Variants in ITGA1 observed in about 807,000 individuals in gnomAD.
ITGA1 encodes integrin subunit alpha 1.
A neutral mutation model predicts 145.9 loss-of-function variants in ITGA1; 85 were observed. The ratio of observed to expected loss-of-function variants is 0.58; its 90% CI spans 0.49 to 0.70. The LOEUF is 0.70. ITGA1 is among the 30% of genes least tolerant of loss of function. The pLI is 0.00. For missense variants in ITGA1, 1,351 were observed against 1,418.7 expected (o/e 0.95, Z 0.77); for synonymous variants, 520 against 495.3 (o/e 1.05, Z -0.66).
chr5:52,951,998 T>G (rs945085894), intron 28 of ITGA1, among the ~76,000 whole-genome samples: 6 of 152,090 alleles, frequency 3.9e-5, no homozygotes, highest in Non-Finnish European at 8.8e-5. Context: ...GAGACCATCC[T>G]GGCCAACATG....
intron 1 of ITGA1, among the ~76,000 whole-genome samples, chr5:52,833,940 C>A (rs1036687333): frequency 1.3e-5 from 2 of 152,010 alleles, no homozygotes; most frequent in Non-Finnish European, 2.9e-5. Context: ...CAATAAGACA[C>A]CTAATGGAAA....
chr5:52,934,025 T>C (rs749024728), intron 23 of ITGA1, 29 bp downstream of exon 23: 1 of 914,466 alleles, frequency 1.1e-6, no homozygotes, highest in Non-Finnish European at 1.6e-6. Flanking sequence ...AATAGTATTC[T>C]AAAGGAGTTA....
chr5:52,889,419 T>C (rs1338450798), intron 8 of ITGA1, among the ~76,000 whole-genome samples: 1 of 152,204 alleles, frequency 6.6e-6, no homozygotes, highest in African/African-American at 2.4e-5. Flanking sequence ...CATTTAATGA[T>C]ACAAATAAAC....
intron 8 of ITGA1, among the ~76,000 whole-genome samples, chr5:52,888,443 T>G (rs1750090188): frequency 6.6e-6 from 1 of 152,190 alleles, no homozygotes. Context: ...ACTCTCTTTT[T>G]CATTAATTAT....
At chr5:52,802,773 G>A (rs1224669681) in intron 1 of ITGA1, 2 of 151,884 alleles carry the variant, frequency 1.3e-5, no homozygotes, top group Admixed American at 1.3e-4. Flanking sequence ...CATTTTTATT[G>A]GACTATTTTA....
At chr5:52,898,164 C>A in intron 10 of ITGA1, 75 bp from the exon 11 acceptor site, 4 of 977,118 alleles carry the variant, frequency 4.1e-6, no homozygotes, top group Non-Finnish European at 5.7e-6. Flanking sequence ...TACCTATACA[C>A]ATTGTTAATG....
Position 52,953,053 on chromosome 5 carries a change from G to T in ITGA1, c.*602G>T, listed in dbSNP as rs998138163. 2.0e-5 allele frequency: 3 copies of T among 152,204 alleles called. No individual in the cohort carries two copies. Among genetic ancestry groups the T allele is most frequent in the African/African-American group, 7.2e-5 (3 of 41,508 alleles). The allele number at this position is 152,204 out of a possible 1,614,324, so 9.4% of individuals were successfully genotyped here. ...AAAATTTTCCCTCCCTGCCCAAGGT[G>T]ATTGGAAAGTACTGCAATTGAGCTA... On this transcript the variant is annotated 3_prime_UTR_variant, in exon 29 of 29. Coordinates refer to ENST00000282588, the MANE Select transcript of ITGA1 (RefSeq NM_181501.2).
intron 1 of ITGA1, chr5:52,800,788 G>A (rs202063626): frequency 1.2e-6 from 2 of 1,613,600 alleles, no homozygotes; most frequent in Non-Finnish European, 1.7e-6. Context: ...CTGTGACCCA[G>A]CCTGGAGCGC....
intron 13 of ITGA1, among the ~76,000 whole-genome samples, chr5:52,909,811 GT>G (rs1232842836): frequency 6.7e-6 from 1 of 149,926 alleles, no homozygotes; most frequent in Non-Finnish European, 1.5e-5. Flanking sequence ...TTTAGAGAAA[GT>G]TTCCTTTCTG....
chr5:52,915,143 G>A (rs1054549543), intron 14 of ITGA1, among the ~76,000 whole-genome samples: 3 of 152,160 alleles, frequency 2.0e-5, no homozygotes, highest in African/African-American at 7.2e-5. Flanking sequence ...TCTGTGTGAT[G>A]GGATTGGCTA....
At chr5:52,931,435 T>C (rs1234539357) in intron 21 of ITGA1, 2 of 152,154 alleles carry the variant, frequency 1.3e-5, no homozygotes, top group African/African-American at 4.8e-5. Flanking sequence ...CGAGGAAGTA[T>C]GTATATGTGT....
intron 16 of ITGA1, among the ~76,000 whole-genome samples, 167 bp from the exon 17 acceptor site, chr5:52,920,165 A>G (rs1750709407): frequency 6.6e-6 from 1 of 152,224 alleles, no homozygotes; most frequent in African/African-American, 2.4e-5. Context: ...GGTTATCTTC[A>G]TGACTGCTAA....
At chr5:52,884,082 C>T (rs1319845940) in intron 7 of ITGA1, among the ~76,000 whole-genome samples, 2 of 152,088 alleles carry the variant, frequency 1.3e-5, no homozygotes, top group African/African-American at 2.4e-5. Flanking sequence ...ATATGATATT[C>T]GCATACAAAG....
At position 52,813,580 on chromosome 5, in the gene ITGA1, C is replaced by T. The variant is rs13360342; in HGVS notation, c.61+25166C>T. ...TAGAAATCACCTGTGTAAGGCAATG[C>T]AGCTGATGGAATAGCCACCCCCAGA... On this transcript the variant is annotated intron_variant, in intron 1 of 28. Transcript: ENST00000282588. Among the ~76,000 whole-genome samples the T allele has an allele frequency of 6.7e-3, 1,015 of 152,292 alleles. 12 individuals carry two copies. Among genetic ancestry groups the T allele is most frequent in the African/African-American group, 0.023 (966 of 41,554 alleles).
At chr5:52,849,046 A>C (rs560987145) in intron 1 of ITGA1, among the ~76,000 whole-genome samples, 1 of 152,260 alleles carries the variant, frequency 6.6e-6, no homozygotes, top group South Asian at 2.1e-4. Context: ...ATACGTGTGC[A>C]TGTGTCTTTA....
chr5:52,921,223 A>G (rs566061265), intron 17 of ITGA1, among the ~76,000 whole-genome samples: 1 of 152,240 alleles, frequency 6.6e-6, no homozygotes, highest in Non-Finnish European at 1.5e-5. Flanking sequence ...GATTTTAGTA[A>G]CTGACATTAA....
chr5:52,850,452 G>GTTTA (rs1288117368), intron 2 of ITGA1, among the ~76,000 whole-genome samples: 4 of 151,984 alleles, frequency 2.6e-5, no homozygotes, highest in Non-Finnish European at 5.9e-5. Context: ...CTAAACTTTA[G>GTTTA]TTTAATAACT....
At position 52,854,523 on chromosome 5, in the gene ITGA1, C is replaced by A. The variant is rs191880315; in HGVS notation, c.182+5038C>A. Among the ~76,000 whole-genome samples, 913 of 152,194 alleles carry A rather than the reference C, an allele frequency of 6.0e-3. 10 individuals carry two copies. The highest frequency in any genetic ancestry group is 9.2e-3 in the Non-Finnish European group (624 of 68,006). On this transcript the variant is annotated intron_variant, in intron 2 of 28. Coordinates refer to ENST00000282588, the MANE Select transcript of ITGA1 (RefSeq NM_181501.2). ...TTTCATTCTCTAAGATGAAAAAATG[C>A]TTATTCCATTTATTTAAAAAGAAAT...
At chr5:52,811,527 A>G (rs550933026) in intron 1 of ITGA1, among the ~76,000 whole-genome samples, 286 of 152,334 alleles carry the variant, frequency 1.9e-3, no homozygotes, top group South Asian at 4.1e-3. Flanking sequence ...TAAGGAGAGC[A>G]GCCTGCTAGA....
Sources: gnomAD v4.1 joint callset for allele counts (sites outside exome capture counted in the v4.1 genomes callset) on GRCh38, gnomAD v4.1.1 for gene constraint, MANE v1.5 for transcripts, NCBI Gene and HGNC (gene_info 2026-07-23, HGNC 2026-07-21) for gene names.